The following INTS10 variants were observed in gnomAD, a reference collection of about 807,000 sequenced individuals.
INTS10 encodes the protein chromosome 8 open reading frame 35.
Under a neutral mutation model 94.4 loss-of-function variants are expected in INTS10, and 44 were observed. That is an observed-to-expected ratio of 0.47 (90% confidence interval 0.37 to 0.60). The LOEUF is 0.60. INTS10 is among the 20% of genes least tolerant of loss of function. INTS10 has a pLI of 0.00. For synonymous variants in INTS10, 341 were observed against 320.7 expected (o/e 1.06, Z -0.68); for missense variants, 797 against 868.7 (o/e 0.92, Z 1.04).
Position 19,849,188 on chromosome 8 carries a change from T to C in INTS10, c.1977-2461T>C, listed in dbSNP as rs1056506711. On this transcript the variant is annotated intron_variant, in intron 16 of 16. Transcript: ENST00000397977. This position sits in a 1 kb window ranked among gnomAD's most constrained non-coding sequence, Gnocchi z 4.6. Reference sequence around the variant, plus strand: ...CCTTCTAGCCCTCCCATGGGGTTACTGCAGCAGGAATTCTTACCTGTGCTT... The same window carrying C: ...CCTTCTAGCCCTCCCATGGGGTTACCGCAGCAGGAATTCTTACCTGTGCTT... The C allele has an allele frequency of 2.3e-6, 3 of 1,289,730 alleles. No homozygotes were observed. The highest frequency in any genetic ancestry group is 2.3e-5 in the Admixed American group (1 of 43,568). The allele number at this position is 1,289,730 out of a possible 1,614,324, so 79.9% of individuals were successfully genotyped here. A position where few individuals can be genotyped will look rare whatever the true frequency, so the allele number is the denominator to read the frequency against.
chr8:19,832,143 T>C (rs1189078413), intron 11 of INTS10, 33 bp downstream of exon 11: 2 of 1,155,398 alleles, frequency 1.7e-6, no homozygotes, highest in Non-Finnish European at 2.6e-6. Context: ...GGTACCTGTG[T>C]CTGTACAGCA....
chr8:19,841,476 T>C (rs1420250256), intron 13 of INTS10, among the ~76,000 whole-genome samples: 1 of 152,134 alleles, frequency 6.6e-6, no homozygotes, highest in African/African-American at 2.4e-5. Context: ...GAAGCAATTA[T>C]CCAATCCCCA....
intron 14 of INTS10, 54 bp downstream of exon 14, chr8:19,842,981 C>T (rs2068257341): frequency 8.2e-7 from 1 of 1,220,018 alleles, no homozygotes; most frequent in African/African-American, 1.5e-5. Flanking sequence ...ATATTATTCT[C>T]ATGACTCGAG....
chr8:19,828,895 C>A (rs2067015720), intron 9 of INTS10, among the ~76,000 whole-genome samples: 1 of 151,848 alleles, frequency 6.6e-6, no homozygotes. Context: ...GTGTTTTTCC[C>A]AATGCAAAAA....
In INTS10 at chr8:19,832,154, T is replaced by C. The variant is rs780960650; in HGVS notation, c.1377+44T>C. The C allele has an allele frequency of 1.3e-5, 13 of 1,030,782 alleles. No homozygotes were observed. The South Asian group carries it at 1.6e-4, about 13-fold the overall frequency. 63.9% of individuals were successfully genotyped at this position (1,030,782 alleles called of 1,614,324 possible). A position where few individuals can be genotyped will look rare whatever the true frequency, so the allele number is the denominator to read the frequency against. On this transcript the variant is annotated intron_variant, in intron 11 of 16. Coordinates refer to ENST00000397977, the MANE Select transcript of INTS10 (RefSeq NM_018142.4). Reference sequence around the variant, plus strand: ...TTTAGGTACCTGTGTCTGTACAGCATGGCTATGGTGGCAAACCAGCTTTCC... The same window carrying C: ...TTTAGGTACCTGTGTCTGTACAGCACGGCTATGGTGGCAAACCAGCTTTCC...
Position 19,846,685 on chromosome 8 carries a change from A to G in INTS10, c.1976+888A>G, listed in dbSNP as rs555331331. On this transcript the variant is annotated intron_variant, in intron 16 of 16. Transcript: ENST00000397977. This position sits in a 1 kb window ranked among gnomAD's most constrained non-coding sequence, Gnocchi z 4.2. ...TGCTCCCCTGAACTCACAAGATGTT[A>G]CTAAAATTCCGGGTTGGCCCAGATG... Among the ~76,000 whole-genome samples the G allele has an allele frequency of 1.3e-5, 2 of 152,212 alleles. No homozygotes were observed. Among genetic ancestry groups the G allele is most frequent in the Non-Finnish European group, 2.9e-5 (2 of 68,040 alleles).
chr8:19,828,411 C>T (rs975879714), intron 9 of INTS10, among the ~76,000 whole-genome samples: 4 of 152,198 alleles, frequency 2.6e-5, no homozygotes, highest in Non-Finnish European at 5.9e-5. Context: ...GGTGCTGGGA[C>T]AGGCCTCTCC....
At chr8:19,837,294 A>T in intron 13 of INTS10, 134 bp downstream of exon 13, 1 of 657,576 alleles carries the variant, frequency 1.5e-6, no homozygotes, top group Non-Finnish European at 2.7e-6. Flanking sequence ...GTTTGAGACC[A>T]GCCTGGGCAA....
At chr8:19,835,334 C>T (rs1346911594) in intron 12 of INTS10, among the ~76,000 whole-genome samples, 2 of 152,086 alleles carry the variant, frequency 1.3e-5, no homozygotes, top group African/African-American at 2.4e-5. Context: ...TTTCTTGGTG[C>T]TCAGTGTTGA....
intron 16 of INTS10, among the ~76,000 whole-genome samples, chr8:19,850,393 C>T (rs534944475): frequency 1.2e-4 from 18 of 152,136 alleles, no homozygotes; most frequent in Non-Finnish European, 2.1e-4. Context: ...TGTGCATTTA[C>T]CCCACGGCCC....
rs538265310 is a variant in INTS10 at position 19,833,079 on chromosome 8, C to T, written c.1378-90C>T. On this transcript the variant is annotated intron_variant, in intron 11 of 16. Transcript: ENST00000397977. ...TACCGTCTTTGTATAGTTGCTTGCT[C>T]GTTGCTTCGTGAACCCTGGAACGGT... 6.6e-5 allele frequency: 75 copies of T among 1,143,180 alleles called. 2 individuals carry two copies. The South Asian group carries it at 9.7e-4, about 15-fold the overall frequency. 70.8% of individuals were successfully genotyped at this position (1,143,180 alleles called of 1,614,324 possible). A position where few individuals can be genotyped will look rare whatever the true frequency, so the allele number is the denominator to read the frequency against.
chr8:19,827,960 C>G (rs980770894), intron 9 of INTS10, among the ~76,000 whole-genome samples: 1 of 151,938 alleles, frequency 6.6e-6, no homozygotes, highest in African/African-American at 2.4e-5. Flanking sequence ...GCCTGTAATC[C>G]CAGCACTTTG....
rs2066667198 is a variant in INTS10, at chr8:19,824,855, A to G, written c.889A>G (p.Asn297Asp). The change falls in exon 8 of 17, where the codon AAC becomes GAC. Residue 297 changes from asparagine (N) to aspartate (D), a missense_variant. Around this residue, in one of 3 missense-constraint regions of INTS10, gnomAD observed 734 missense variants for 787.8 expected, o/e 0.93. Transcript: ENST00000397977. The part of the protein sequence containing the change: ...RMKDLCRYMN[N>D]FDSEAHAKYK... ...GAAGGATCTCTGCAGATACATGAACAACTTTGATAGTGAAGCACATGCAAA... is the reference window on the plus strand; with the variant it reads ...GAAGGATCTCTGCAGATACATGAACGACTTTGATAGTGAAGCACATGCAAA... The G allele has an allele frequency of 6.2e-7, 1 of 1,612,940 alleles. No homozygotes were observed. The highest frequency in any genetic ancestry group is 1.3e-5 in the African/African-American group (1 of 74,926).
intron 10 of INTS10, among the ~76,000 whole-genome samples, chr8:19,831,274 G>T (rs2067209256): frequency 6.6e-6 from 1 of 152,138 alleles, no homozygotes; most frequent in Non-Finnish European, 1.5e-5. Context: ...TTACATTTGG[G>T]ATTGTGAACA....
intron 9 of INTS10, among the ~76,000 whole-genome samples, chr8:19,829,547 A>T (rs1051249917): frequency 1.3e-5 from 2 of 152,194 alleles, no homozygotes; most frequent in Non-Finnish European, 2.9e-5. Context: ...GTACTTTCTG[A>T]CCAGGACCTT....
At chr8:19,836,559 T>G (rs904354526) in intron 12 of INTS10, among the ~76,000 whole-genome samples, 97 of 152,332 alleles carry the variant, frequency 6.4e-4, no homozygotes, top group African/African-American at 2.3e-3. Context: ...AAATCCTTCC[T>G]CTCTTTAAGG....
At chr8:19,848,370 A>G (rs1216965580) in intron 16 of INTS10, among the ~76,000 whole-genome samples, 1 of 152,208 alleles carries the variant, frequency 6.6e-6, no homozygotes, top group Non-Finnish European at 1.5e-5. Flanking sequence ...CAAAGGAGGG[A>G]GAAGCTCTTA....
chr8:19,830,750 G>A (rs1243883459), intron 10 of INTS10, among the ~76,000 whole-genome samples, 191 bp downstream of exon 10: 1 of 152,078 alleles, frequency 6.6e-6, no homozygotes, highest in African/African-American at 2.4e-5. Flanking sequence ...TTGGCTCACT[G>A]CAACGCTCAC....
At chr8:19,835,854 C>T (rs1186064166) in intron 12 of INTS10, among the ~76,000 whole-genome samples, 1 of 152,198 alleles carries the variant, frequency 6.6e-6, no homozygotes, top group Non-Finnish European at 1.5e-5. Flanking sequence ...CAACCCTGAG[C>T]AGCCACACAC....
Sources: gnomAD v4.1 joint callset for allele counts (sites outside exome capture counted in the v4.1 genomes callset) on GRCh38, gnomAD v4.1.1 for gene constraint, gnomAD v4.1.1 regional missense constraint, Gnocchi (gnomAD v3.1) non-coding constraint, MANE v1.5 for transcripts, NCBI Gene and HGNC (gene_info 2026-07-23, HGNC 2026-07-21) for gene names.